The following GABARAPL1 variants were observed in gnomAD, a reference collection of about 807,000 sequenced individuals.
GABARAPL1 encodes the protein GABA type A receptor associated protein like 1.
In GABARAPL1, 4 loss-of-function variants were observed where a neutral mutation model predicts 14.5. The observed-to-expected ratio is 0.28, with a 90% CI of 0.14 to 0.63. The LOEUF is 0.63. Ranked by LOEUF, GABARAPL1 falls within the 30% of genes least tolerant of loss-of-function variation. The pLI is 0.84. For missense variants in GABARAPL1, 82 were observed against 139.2 expected (o/e 0.59, Z 2.07); for synonymous variants, 47 against 50.6 (o/e 0.93, Z 0.30).
In GABARAPL1 at chr12:10,222,088, G is replaced by T; in HGVS notation, c.*236G>T. 1.9e-6 allele frequency: 1 copy of T among 534,026 alleles called. No individual in the cohort carries two copies. The highest frequency in any genetic ancestry group is 2.1e-5 in the South Asian group (1 of 46,978). 33.1% of individuals were successfully genotyped at this position (534,026 alleles called of 1,614,324 possible). A position where few individuals can be genotyped will look rare whatever the true frequency, so the allele number is the denominator to read the frequency against. On this transcript the variant is annotated 3_prime_UTR_variant, in exon 4 of 4. Transcript: ENST00000266458. ...AGGACAGAGCTGTTGGATTGGCTTT[G>T]ATAGAGGAATGGGGATGATGTAAGT...
In GABARAPL1 at chr12:10,221,916, C is replaced by T. The variant is rs568602788; in HGVS notation, c.*64C>T. ...GGGGTAGGGGAGGGGTGTGTGTGCG[C>T]GACATGGGGAAAGAGGGTGGCTCCC... On this transcript the variant is annotated 3_prime_UTR_variant, in exon 4 of 4. Coordinates refer to ENST00000266458, the MANE Select transcript of GABARAPL1 (RefSeq NM_031412.4). 326 of 1,473,586 alleles carry T rather than the reference C, an allele frequency of 2.2e-4. 1 individual carries two copies. The highest frequency in any genetic ancestry group is 2.8e-4 in the Non-Finnish European group (300 of 1,056,346). 91.3% of individuals were successfully genotyped at this position (1,473,586 alleles called of 1,614,324 possible). A position where few individuals can be genotyped will look rare whatever the true frequency, so the allele number is the denominator to read the frequency against.
At chr12:10,219,871 C>T (rs1949111317) in intron 2 of GABARAPL1, among the ~76,000 whole-genome samples, 1 of 152,086 alleles carries the variant, frequency 6.6e-6, no homozygotes, top group South Asian at 2.1e-4. Context: ...GCATCCAGGA[C>T]ACACTGGAAA....
intron 1 of GABARAPL1, among the ~76,000 whole-genome samples, chr12:10,215,644 C>A (rs1365539609): frequency 1.3e-5 from 2 of 152,062 alleles, no homozygotes; most frequent in Non-Finnish European, 2.9e-5. Context: ...CAGGTATTGC[C>A]CTCTGCTTTA....
intron 3 of GABARAPL1, chr12:10,221,007 C>T: frequency 4.1e-6 from 4 of 985,418 alleles, no homozygotes; most frequent in Non-Finnish European, 4.8e-6. Context: ...CTCCTTCTAA[C>T]TCTGAGGCCA....
At chr12:10,220,302 T>C in intron 2 of GABARAPL1, 138 bp from the exon 3 acceptor site, 1 of 1,206,708 alleles carries the variant, frequency 8.3e-7, no homozygotes, top group Non-Finnish European at 1.2e-6. Context: ...GGTATTTGGC[T>C]CTTCTCAGAT....
Position 10,222,069 on chromosome 12 carries a change from G to C in GABARAPL1, c.*217G>C, listed in dbSNP as rs1949122861. ...CCCAGGGAGAAAGCATGTCAGGACA[G>C]AGCTGTTGGATTGGCTTTGATAGAG... On this transcript the variant is annotated 3_prime_UTR_variant, in exon 4 of 4. Coordinates refer to ENST00000266458, the MANE Select transcript of GABARAPL1 (RefSeq NM_031412.4). 1 of 558,106 alleles carries C rather than the reference G, an allele frequency of 1.8e-6. No homozygotes were observed. The highest frequency in any genetic ancestry group is 3.0e-5 in the East Asian group (1 of 32,900). 34.6% of individuals were successfully genotyped at this position (558,106 alleles called of 1,614,324 possible).
chr12:10,223,034 G>A lies in GABARAPL1; in HGVS notation c.*1182G>A, dbSNP rs1949127638. The A allele has an allele frequency of 6.6e-6, 1 of 152,562 alleles. No individual in the cohort carries two copies. Among genetic ancestry groups the A allele is most frequent in the Non-Finnish European group, 1.5e-5 (1 of 68,030 alleles). 9.5% of individuals were successfully genotyped at this position (152,562 alleles called of 1,614,324 possible). A position where few individuals can be genotyped will look rare whatever the true frequency, so the allele number is the denominator to read the frequency against. On this transcript the variant is annotated 3_prime_UTR_variant, in exon 4 of 4. Transcript: ENST00000266458. Reference sequence around the variant, plus strand: ...ATGAAAAGGGTTCTTTCTCTTGGGGGAAATGTGTGTGTCAGTTCTGTCAGC... The same window carrying A: ...ATGAAAAGGGTTCTTTCTCTTGGGGAAAATGTGTGTGTCAGTTCTGTCAGC...
chr12:10,219,085 G>T (rs1346290009), intron 2 of GABARAPL1, among the ~76,000 whole-genome samples: 2 of 151,800 alleles, frequency 1.3e-5, no homozygotes, highest in African/African-American at 2.4e-5. Flanking sequence ...TTGGGACGGG[G>T]ATGTGGGCAG....
chr12:10,222,193 G>T lies in GABARAPL1; in HGVS notation c.*341G>T. The T allele has an allele frequency of 3.8e-6, 1 of 266,506 alleles. No individual in the cohort carries two copies. The highest frequency in any genetic ancestry group is 7.4e-6 in the Non-Finnish European group (1 of 134,940). The allele number at this position is 266,506 out of a possible 1,614,324, so 16.5% of individuals were successfully genotyped here. A position where few individuals can be genotyped will look rare whatever the true frequency, so the allele number is the denominator to read the frequency against. On this transcript the variant is annotated 3_prime_UTR_variant, in exon 4 of 4. Transcript: ENST00000266458. ...TGGACAAGTTGGGGCCAGAGATGAT[G>T]GCAGTCCAGCAGCAACTCCCTGTGC... is the stretch of plus-strand genomic sequence containing the variant.
intron 1 of GABARAPL1, chr12:10,213,612 T>C: frequency 2.9e-6 from 1 of 344,428 alleles, no homozygotes; most frequent in Non-Finnish European, 5.8e-6. Flanking sequence ...GACATTGTGC[T>C]GTGCGGTGAG....
chr12:10,221,984 C>T lies in GABARAPL1; in HGVS notation c.*132C>T, dbSNP rs1949122543. 4.2e-6 allele frequency: 3 copies of T among 721,578 alleles called. No individual in the cohort carries two copies. The highest frequency in any genetic ancestry group is 7.2e-6 in the Non-Finnish European group (3 of 413,822). 44.7% of individuals were successfully genotyped at this position (721,578 alleles called of 1,614,324 possible). A position where few individuals can be genotyped will look rare whatever the true frequency, so the allele number is the denominator to read the frequency against. On this transcript the variant is annotated 3_prime_UTR_variant, in exon 4 of 4. Transcript: ENST00000266458. ...GGTGAAGACATCTAGAAACATTACA[C>T]CACACACACCGTCATCACATTTTCA...
chr12:10,218,473 T>C (rs1332841018), intron 2 of GABARAPL1, among the ~76,000 whole-genome samples: 1 of 151,800 alleles, frequency 6.6e-6, no homozygotes. Flanking sequence ...CTTGGGAGGC[T>C]GAGGCAGAAG....
At chr12:10,214,353 C>G (rs535160041) in intron 1 of GABARAPL1, 1 of 152,970 alleles carries the variant, frequency 6.5e-6, no homozygotes, top group South Asian at 1.9e-4. Context: ...CAGTAGAAAC[C>G]TCTTGTAACC....
intron 1 of GABARAPL1, among the ~76,000 whole-genome samples, chr12:10,215,249 A>G (rs1196080438): frequency 2.0e-5 from 3 of 152,202 alleles, no homozygotes; most frequent in African/African-American, 7.2e-5. Context: ...TATTAAAGCA[A>G]TGGCGTACCC....
intron 1 of GABARAPL1, chr12:10,214,559 G>A (rs1949077535): frequency 6.6e-6 from 1 of 152,176 alleles, no homozygotes; most frequent in African/African-American, 2.4e-5. Flanking sequence ...TTTGAGCAAT[G>A]ATATTTAAAA....
At chr12:10,216,181 GCAT>G (rs1565436627) in intron 1 of GABARAPL1, among the ~76,000 whole-genome samples, 1 of 151,794 alleles carries the variant, frequency 6.6e-6, no homozygotes, top group African/African-American at 2.4e-5. Context: ...AACCAGCCTG[GCAT>G]CATGGTGAAA....
intron 1 of GABARAPL1, among the ~76,000 whole-genome samples, chr12:10,215,322 A>C (rs1465491454): frequency 6.6e-6 from 1 of 152,222 alleles, no homozygotes; most frequent in African/African-American, 2.4e-5. Context: ...CGTTGAAAAG[A>C]AGAGGTGTGC....
At position 10,221,883 on chromosome 12, in the gene GABARAPL1, T is replaced by A. The variant is rs764072840; in HGVS notation, c.*31T>A. 1.2e-6 allele frequency: 2 copies of A among 1,607,144 alleles called. No homozygotes were observed. Among genetic ancestry groups the A allele is most frequent in the African/African-American group, 2.7e-5 (2 of 74,778 alleles). On this transcript the variant is annotated 3_prime_UTR_variant, in exon 4 of 4. Transcript: ENST00000266458. The stretch of plus-strand genomic sequence containing the variant: ...TGGAAGCCCAGCAGATGGGAGCACC[T>A]GGACTTGGGGGTAGGGGAGGGGTGT...
intron 1 of GABARAPL1, among the ~76,000 whole-genome samples, chr12:10,217,659 G>C (rs112895730): frequency 9.9e-5 from 15 of 152,268 alleles, no homozygotes; most frequent in African/African-American, 3.6e-4. Context: ...CTTGAATCCG[G>C]GAGGTGGAGA....
Sources: allele counts gnomAD v4.1 joint callset (sites outside exome capture counted in the v4.1 genomes callset), GRCh38; gene constraint gnomAD v4.1.1; transcripts MANE v1.5; gene names NCBI Gene and HGNC (gene_info 2026-07-23, HGNC 2026-07-21).